PDZD2: variants seen among roughly 807,000 people sequenced by gnomAD.
The protein encoded by PDZD2 is PDZ domain-containing protein 2.
A neutral mutation model predicts 220.7 loss-of-function variants in PDZD2; 90 were observed. That is an observed-to-expected ratio of 0.41 (90% confidence interval 0.34 to 0.49). The LOEUF is 0.49. Ranked by LOEUF, PDZD2 falls within the 20% of genes least tolerant of loss-of-function variation. The probability of loss-of-function intolerance (pLI) is 0.28; values close to 1 mark genes in which losing one functional copy is unlikely to be tolerated. For synonymous variants in PDZD2, 1,375 were observed against 1,450.5 expected, an observed-to-expected ratio of 0.95 and a Z score of 1.18; for missense variants, 3,174 against 3,608.5, an observed-to-expected ratio of 0.88 and a Z score of 3.08.
chr5:31,836,855 CAAA>C (rs934940374), intron 2 of PDZD2, among the ~76,000 whole-genome samples: 1 of 151,468 alleles, frequency 6.6e-6, no homozygotes, highest in African/African-American at 2.4e-5. Flanking sequence ...CCAGTCTCTA[CAAA>C]AATACAAAAA....
intron 14 of PDZD2, among the ~76,000 whole-genome samples, chr5:32,068,232 A>T (rs1740401758): frequency 6.6e-6 from 1 of 152,238 alleles, no homozygotes; most frequent in Non-Finnish European, 1.5e-5. Flanking sequence ...GTTTCTTCCA[A>T]GATATCAGTG....
At chr5:31,969,239 G>A (rs1327697320) in intron 2 of PDZD2, among the ~76,000 whole-genome samples, 1 of 152,072 alleles carries the variant, frequency 6.6e-6, no homozygotes, top group Non-Finnish European at 1.5e-5. Flanking sequence ...AGGCACGATG[G>A]CTCATGCCTG....
At chr5:31,876,735 A>T (rs1418149265) in intron 2 of PDZD2, among the ~76,000 whole-genome samples, 2 of 152,236 alleles carry the variant, frequency 1.3e-5, no homozygotes, top group Non-Finnish European at 2.9e-5. Flanking sequence ...TTACAATGTC[A>T]TCCACAATTA....
At chr5:31,975,821 T>TTTTTTTTTTA (rs1392254387) in intron 2 of PDZD2, among the ~76,000 whole-genome samples, 1 of 129,210 alleles carries the variant, frequency 7.7e-6, no homozygotes, top group African/African-American at 3.0e-5. Context: ...TTTTTTTTTT[T>TTTTTTTTTTA]GAGACAAGGT....
chr5:31,692,359 C>A (rs1267457345), intron 1 of PDZD2, among the ~76,000 whole-genome samples: 1 of 152,234 alleles, frequency 6.6e-6, no homozygotes, highest in Non-Finnish European at 1.5e-5. Flanking sequence ...CCAAACCTCC[C>A]TGAAAGCTGA....
chr5:32,100,321 T>G (rs1465325703), intron 23 of PDZD2: 1 of 174,100 alleles, frequency 5.7e-6, no homozygotes, highest in Non-Finnish European at 1.2e-5. Context: ...TTCCTCTGCC[T>G]CCCAATTAAC....
chr5:31,669,160 A>G (rs1746113585), intron 1 of PDZD2, among the ~76,000 whole-genome samples: 1 of 151,970 alleles, frequency 6.6e-6, no homozygotes, highest in Non-Finnish European at 1.5e-5. Context: ...CTGTAATCCC[A>G]CCTGTCTGGG....
intron 3 of PDZD2, among the ~76,000 whole-genome samples, chr5:31,989,878 C>T (rs13155323): frequency 0.1 from 15,538 of 152,130 alleles, 988 homozygotes; most frequent in Non-Finnish European, 0.15. Context: ...TAATCAAGGC[C>T]CCAAGAATAC....
chr5:31,937,508 G>C (rs1745860388), intron 2 of PDZD2, among the ~76,000 whole-genome samples: 1 of 152,304 alleles, frequency 6.6e-6, no homozygotes, highest in South Asian at 2.1e-4. Context: ...TCCTCATGCT[G>C]TGGTCATCCT....
At chr5:31,923,288 T>C (rs1200849391) in intron 2 of PDZD2, 7 of 584,810 alleles carry the variant, frequency 1.2e-5, no homozygotes, top group Non-Finnish European at 2.2e-5. Context: ...TAAGTAAAAA[T>C]AAAAATAACT....
chr5:31,878,554 G>GTTTTTTTTTTTTT (rs1411853055), intron 2 of PDZD2, among the ~76,000 whole-genome samples: 4 of 39,258 alleles, frequency 1.0e-4, no homozygotes, highest in South Asian at 8.0e-4. Flanking sequence ...GATGACCTCG[G>GTTTTTTTTTTTTT]CTTTTTTTTT....
chr5:31,992,999 T>C (rs994083900), intron 3 of PDZD2, among the ~76,000 whole-genome samples: 3 of 152,034 alleles, frequency 2.0e-5, no homozygotes, highest in African/African-American at 7.3e-5. Flanking sequence ...TCTGTTCTTT[T>C]CAATGGTATC....
intron 5 of PDZD2, among the ~76,000 whole-genome samples, chr5:32,002,595 C>A (rs1752226394): frequency 1.3e-5 from 2 of 149,054 alleles, no homozygotes; most frequent in Non-Finnish European, 3.0e-5. Flanking sequence ...ACATACCACA[C>A]ACACACACCA....
At chr5:31,789,885 T>G (rs1429221234) in intron 1 of PDZD2, among the ~76,000 whole-genome samples, 2 of 152,042 alleles carry the variant, frequency 1.3e-5, no homozygotes, top group African/African-American at 4.8e-5. Flanking sequence ...ACCACTGCAT[T>G]CCAGTGTGGG....
chr5:31,706,059 C>T (rs1318069393), intron 1 of PDZD2, among the ~76,000 whole-genome samples: 1 of 152,082 alleles, frequency 6.6e-6, no homozygotes. Flanking sequence ...CTCAAAATAA[C>T]AACACCACCA....
chr5:31,640,626 G>A (rs1469296735), intron 1 of PDZD2, among the ~76,000 whole-genome samples: 1 of 152,162 alleles, frequency 6.6e-6, no homozygotes, highest in Non-Finnish European at 1.5e-5. Flanking sequence ...TAGGGGCCTG[G>A]CATCTCTACT....
intron 2 of PDZD2, among the ~76,000 whole-genome samples, chr5:31,945,979 AAACATGCTGT>A (rs1746595222): frequency 6.6e-6 from 1 of 152,154 alleles, no homozygotes; most frequent in Non-Finnish European, 1.5e-5. Context: ...TCTCCCTGGC[AAACATGCTGT>A]TTTATTTTCA....
chr5:31,814,466 C>T lies in PDZD2; in HGVS notation c.476+14742C>T, dbSNP rs185138012. Among the ~76,000 whole-genome samples the T allele has an allele frequency of 3.4e-3, 517 of 152,224 alleles. 5 individuals are homozygous for T. The highest frequency in any genetic ancestry group is 2.7e-3 in the Non-Finnish European group (187 of 68,022). On this transcript the variant is annotated intron_variant, in intron 2 of 24. Coordinates refer to ENST00000438447, the MANE Select transcript of PDZD2 (RefSeq NM_178140.4). ...ACCAATCAACTTGGGGACAGCCTTC[C>T]AGGTCAAAGGTGGATTCAAAGATTT...
chr5:31,907,676 C>G (rs1205406760), intron 2 of PDZD2, among the ~76,000 whole-genome samples: 1 of 152,108 alleles, frequency 6.6e-6, no homozygotes, highest in Non-Finnish European at 1.5e-5. Flanking sequence ...TGTTTCATGC[C>G]TTATGAAGAA....
Sources: allele counts gnomAD v4.1 joint callset (sites outside exome capture counted in the v4.1 genomes callset), GRCh38; gene constraint gnomAD v4.1.1; transcripts MANE v1.5; gene names NCBI Gene and HGNC (gene_info 2026-07-23, HGNC 2026-07-21).